Variants in NDUFB6 observed in about 807,000 individuals in gnomAD.
The protein encoded by NDUFB6 is NADH dehydrogenase [ubiquinone] 1 beta subcomplex subunit 6.
A neutral mutation model predicts 17.5 loss-of-function variants in NDUFB6; 23 were observed. The observed-to-expected ratio is 1.31, with a 90% CI of 0.94 to 1.86. NDUFB6 has a LOEUF of 1.86. Ranked by LOEUF, NDUFB6 falls within the 40% of genes most tolerant of loss-of-function variation. The pLI is 0.00. For missense variants in NDUFB6, 167 were observed against 153.8 expected (o/e 1.09, Z -0.46); for synonymous variants, 60 against 53.5 (o/e 1.12, Z -0.53).
At chr9:32,566,651 C>T in intron 2 of NDUFB6, 3 of 800,892 alleles carry the variant, frequency 3.7e-6, no homozygotes, top group Non-Finnish European at 6.8e-6. Context: ...AGGAGCTCAC[C>T]TCTCTCAGGT....
chr9:32,557,195 C>CA, intron 3 of NDUFB6, among the ~76,000 whole-genome samples: 1 of 133,106 alleles, frequency 7.5e-6, no homozygotes. Context: ...GACAGAGTCT[C>CA]ACTCTGTGAC....
intron 2 of NDUFB6, among the ~76,000 whole-genome samples, chr9:32,569,028 C>T (rs904262340): frequency 8.6e-5 from 13 of 151,662 alleles, no homozygotes; most frequent in African/African-American, 2.4e-4. Flanking sequence ...GGATTACAGG[C>T]GTGGGACACC....
rs767132728 is a variant in NDUFB6, at chr9:32,571,056, G to C, written c.181-4C>G. On this transcript the variant is annotated splice_polypyrimidine_tract_variant and splice_region_variant and intron_variant, in intron 1 of 3. Transcript: ENST00000379847. ...TCTTTTTGTATACCCCATGGACCTG[G>C]GGGGAAAAACACATACACAAAATAA... 7 of 1,584,710 alleles carry C rather than the reference G, an allele frequency of 4.4e-6. No homozygotes were observed. The highest frequency in any genetic ancestry group is 6.0e-6 in the Non-Finnish European group (7 of 1,161,298).
intron 2 of NDUFB6, chr9:32,567,576 C>A: frequency 2.6e-6 from 1 of 387,438 alleles, no homozygotes; most frequent in Non-Finnish European, 5.3e-6. Flanking sequence ...TTGCCCACCT[C>A]AGCCTCCCAA....
chr9:32,560,743 A>T (rs570649518), intron 2 of NDUFB6, among the ~76,000 whole-genome samples: 1 of 152,354 alleles, frequency 6.6e-6, no homozygotes, highest in Non-Finnish European at 1.5e-5. Flanking sequence ...TTGTAAATGG[A>T]ATTGTTTCAG....
In NDUFB6 at chr9:32,570,981, A is replaced by C. The variant is rs748645977; in HGVS notation, c.252T>G (p.Tyr84Ter). 11 of 1,591,602 alleles carry C rather than the reference A, an allele frequency of 6.9e-6. No homozygotes were observed. The highest frequency in any genetic ancestry group is 9.4e-6 in the Non-Finnish European group (11 of 1,164,160). ...TTACAGAAACATGATACTTCATGTA[A>C]TAATGAATAATCCAGACAGGTACAA... ...HVLVPVWIIH[Y>*]YMKYHVSEKP... The change falls in exon 2 of 4, where the codon TAT (tyrosine) becomes TAG (stop). Residue 84 changes from tyrosine to a stop codon, truncating the protein, a stop_gained. Coordinates refer to ENST00000379847, the MANE Select transcript of NDUFB6 (RefSeq NM_002493.5). LOFTEE classifies it high-confidence loss of function.
Position 32,563,491 on chromosome 9 carries a change from C to CTTTTTTTTTTTTTTTTTT in NDUFB6, c.274-4538_274-4537insAAAAAAAAAAAAAAAAAA, listed in dbSNP as rs111646430. Among the ~76,000 whole-genome samples, 62 of 91,972 alleles carry CTTTTTTTTTTTTTTTTTT rather than the reference C, an allele frequency of 6.7e-4. 9 individuals are homozygous for CTTTTTTTTTTTTTTTTTT. Among genetic ancestry groups the CTTTTTTTTTTTTTTTTTT allele is most frequent in the Non-Finnish European group, 9.7e-4 (44 of 45,450 alleles). The allele number at this position is 91,972 out of a possible 152,430, so 60.3% of individuals were successfully genotyped here. ...CTCCTGAACAGGTGGGACTATTGGG[C>CTTTTTTTTTTTTTTTTTT]TTTTTTTTTTTTTGGAGGGATGGGG... On this transcript the variant is annotated intron_variant, in intron 2 of 3. Coordinates refer to ENST00000379847, the MANE Select transcript of NDUFB6 (RefSeq NM_002493.5).
At chr9:32,572,352 G>T (rs1036221480) in intron 1 of NDUFB6, among the ~76,000 whole-genome samples, 1 of 152,154 alleles carries the variant, frequency 6.6e-6, no homozygotes, top group African/African-American at 2.4e-5. Context: ...GTACAGAACG[G>T]TAGTTTAGAA....
intron 2 of NDUFB6, among the ~76,000 whole-genome samples, chr9:32,569,278 G>C (rs1336000729): frequency 6.6e-6 from 1 of 152,106 alleles, no homozygotes; most frequent in African/African-American, 2.4e-5. Flanking sequence ...GAGTGCAGTG[G>C]CACGATCTCA....
rs1198482857 is a variant in NDUFB6, at chr9:32,573,082, A to G, written c.-22T>C. The G allele has an allele frequency of 1.0e-5, 16 of 1,528,028 alleles. No homozygotes were observed. The highest frequency in any genetic ancestry group is 1.4e-5 in the Non-Finnish European group (16 of 1,134,958). The allele number at this position is 1,528,028 out of a possible 1,614,324, so 94.7% of individuals were successfully genotyped here. A position where few individuals can be genotyped will look rare whatever the true frequency, so the allele number is the denominator to read the frequency against. On this transcript the variant is annotated 5_prime_UTR_variant, in exon 1 of 4. Transcript: ENST00000379847. ...TCATGTCGCCGCTGGTACCAACGCA[A>G]AAGGACACGGCGCACCCTCGAACTA...
In NDUFB6 at chr9:32,553,597, T is replaced by A. The variant is rs1821366664; in HGVS notation, c.*279A>T. ...ATACCAAATTAGTGTAAGTACTGTG[T>A]AAGAAAAAAACAAACAAACATGTAA... is the stretch of plus-strand genomic sequence containing the variant. On this transcript the variant is annotated 3_prime_UTR_variant, in exon 4 of 4. Transcript: ENST00000379847. The A allele has an allele frequency of 2.7e-6, 1 of 375,600 alleles. No homozygotes were observed. Among genetic ancestry groups the A allele is most frequent in the East Asian group, 6.1e-5 (1 of 16,410 alleles). 23.3% of individuals were successfully genotyped at this position (375,600 alleles called of 1,614,324 possible).
Position 32,554,023 on chromosome 9 carries a change from A to G in NDUFB6, c.319-79T>C, listed in dbSNP as rs1005449162. The G allele has an allele frequency of 5.7e-6, 5 of 877,302 alleles. No homozygotes were observed. The African/African-American group carries it at 8.6e-5, about 15-fold the overall frequency. 54.3% of individuals were successfully genotyped at this position (877,302 alleles called of 1,614,324 possible). A position where few individuals can be genotyped will look rare whatever the true frequency, so the allele number is the denominator to read the frequency against. On this transcript the variant is annotated intron_variant, in intron 3 of 3. Transcript: ENST00000379847. ...AGTTCTATTCTGTTCTATGTTCATC[A>G]GATCTCACATGGAAAATGTACTTGA...
intron 1 of NDUFB6, among the ~76,000 whole-genome samples, 192 bp downstream of exon 1, chr9:32,572,689 T>C (rs756226652): frequency 3.7e-4 from 57 of 152,152 alleles, no homozygotes; most frequent in Non-Finnish European, 3.7e-4. Flanking sequence ...AAAGGCATGA[T>C]TCTCTCAAAG....
chr9:32,569,708 G>A, intron 2 of NDUFB6, among the ~76,000 whole-genome samples: 1 of 151,768 alleles, frequency 6.6e-6, no homozygotes, highest in Non-Finnish European at 1.5e-5. Context: ...TGGAAACATG[G>A]AGTCTCACTA....
chr9:32,567,712 G>A (rs1398400395), intron 2 of NDUFB6: 1 of 337,876 alleles, frequency 3.0e-6, no homozygotes, highest in Non-Finnish European at 6.1e-6. Flanking sequence ...AATTTTAGGG[G>A]CAACACAAAT....
intron 1 of NDUFB6, among the ~76,000 whole-genome samples, chr9:32,572,390 G>A (rs1821956884): frequency 6.6e-6 from 1 of 152,070 alleles, no homozygotes; most frequent in Non-Finnish European, 1.5e-5. Flanking sequence ...GACTCACAAG[G>A]CATACCAACA....
At chr9:32,555,798 C>T (rs978908071) in intron 3 of NDUFB6, among the ~76,000 whole-genome samples, 2 of 152,212 alleles carry the variant, frequency 1.3e-5, no homozygotes, top group Non-Finnish European at 2.9e-5. Flanking sequence ...AACAAACCCC[C>T]TGGACAGAGC....
intron 3 of NDUFB6, among the ~76,000 whole-genome samples, chr9:32,557,803 C>T (rs1390502065): frequency 6.6e-6 from 1 of 152,134 alleles, no homozygotes; most frequent in Non-Finnish European, 1.5e-5. Context: ...CTTAAACCAG[C>T]GTTCCAACTG....
intron 3 of NDUFB6, among the ~76,000 whole-genome samples, chr9:32,557,185 G>T (rs1313659734): frequency 8.3e-6 from 1 of 120,630 alleles, no homozygotes; most frequent in Non-Finnish European, 1.7e-5. Flanking sequence ...TTTTTCCCGA[G>T]ACAGAGTCTC....
Sources: gnomAD v4.1 joint callset for allele counts (sites outside exome capture counted in the v4.1 genomes callset) on GRCh38, gnomAD v4.1.1 for gene constraint, MANE v1.5 for transcripts, NCBI Gene and HGNC (gene_info 2026-07-23, HGNC 2026-07-21) for gene names.